KIRREL1: variants seen among roughly 807,000 people sequenced by gnomAD.
KIRREL1 encodes kin of IRRE-like protein 1.
In KIRREL1, 25 loss-of-function variants were observed where a neutral mutation model predicts 83.3. That is an observed-to-expected ratio of 0.30 (90% CI 0.22 to 0.42). The LOEUF is 0.42. Among genes scored for constraint, KIRREL1 ranks in the 10% least tolerant of loss-of-function variants. The probability of loss-of-function intolerance (pLI) is 1.00; values close to 1 mark genes in which losing one functional copy is unlikely to be tolerated. For missense variants in KIRREL1, 812 were observed against 1,032.3 expected (o/e 0.79, Z 2.92); for synonymous variants, 388 against 410.4 (o/e 0.95, Z 0.66).
chr1:158,046,576 A>C (rs1660783757), intron 1 of KIRREL1, among the ~76,000 whole-genome samples: 1 of 152,040 alleles, frequency 6.6e-6, no homozygotes, highest in Admixed American at 6.6e-5. Flanking sequence ...GAGGGAGGGG[A>C]GGGCCAGTCA....
chr1:158,038,783 C>G (rs1660544851), intron 1 of KIRREL1, among the ~76,000 whole-genome samples: 1 of 152,210 alleles, frequency 6.6e-6, no homozygotes, highest in African/African-American at 2.4e-5. Context: ...AAACAGTAGA[C>G]TTGCCCACTA....
At chr1:158,089,336 TAG>T (rs1293087613) in intron 8 of KIRREL1, 164 bp from the exon 9 acceptor site, 2 of 986,754 alleles carry the variant, frequency 2.0e-6, no homozygotes, top group Non-Finnish European at 3.0e-6. Context: ...CCAACCTGTG[TAG>T]AGTCAGAGCA....
intron 1 of KIRREL1, among the ~76,000 whole-genome samples, chr1:158,010,838 G>T (rs1157642197): frequency 6.6e-6 from 1 of 152,070 alleles, no homozygotes; most frequent in African/African-American, 2.4e-5. Flanking sequence ...CCAGAAGAAA[G>T]GAGTAAAGCA....
intron 2 of KIRREL1, among the ~76,000 whole-genome samples, chr1:158,076,937 C>A (rs761072716): frequency 6.6e-6 from 1 of 152,160 alleles, no homozygotes; most frequent in Non-Finnish European, 1.5e-5. Context: ...GTCCTGCCTC[C>A]GCCAGCTGGG....
At chr1:158,017,301 GT>G (rs1659855069) in intron 1 of KIRREL1, among the ~76,000 whole-genome samples, 1 of 151,806 alleles carries the variant, frequency 6.6e-6, no homozygotes, top group South Asian at 2.1e-4. Context: ...GCCCTTCTTA[GT>G]TTTCTCTCCT....
chr1:158,005,968 G>A (rs1420258010), intron 1 of KIRREL1, among the ~76,000 whole-genome samples: 1 of 152,086 alleles, frequency 6.6e-6, no homozygotes, highest in Non-Finnish European at 1.5e-5. Flanking sequence ...CTGTCCACTG[G>A]GGGAAACAGG....
rs1054392402 is a variant in KIRREL1, at chr1:158,094,458, G to A, written c.1797+68G>A. ...CAGTGGGTTTCTGAGGTCCTGTAGC[G>A]GGGAGGTGAGGTGAGGACAGACTTG... On this transcript the variant is annotated intron_variant, in intron 14 of 14. Coordinates refer to ENST00000359209, the MANE Select transcript of KIRREL1 (RefSeq NM_018240.7). The surrounding 1 kb of genome is among the most constrained non-coding windows in gnomAD (Gnocchi z 4.6). 2.8e-5 allele frequency: 41 copies of A among 1,490,456 alleles called. No individual in the cohort carries two copies. The East Asian group carries it at 4.8e-4, about 17-fold the overall frequency. The allele number at this position is 1,490,456 out of a possible 1,614,324, so 92.3% of individuals were successfully genotyped here.
intron 1 of KIRREL1, among the ~76,000 whole-genome samples, chr1:158,075,704 A>G (rs557418539): frequency 6.6e-6 from 1 of 152,270 alleles, no homozygotes; most frequent in African/African-American, 2.4e-5. Context: ...TAGTAGAGGA[A>G]CAGCTAGGAC....
At chr1:158,010,348 CA>C (rs1659640368) in intron 1 of KIRREL1, among the ~76,000 whole-genome samples, 2 of 147,954 alleles carry the variant, frequency 1.4e-5, no homozygotes, top group Non-Finnish European at 3.0e-5. Context: ...CACACACACA[CA>C]CACACACACA....
chr1:158,093,380 G>A lies in KIRREL1; in HGVS notation c.1513G>A (p.Ala505Thr), dbSNP rs139033699. 3.0e-5 allele frequency: 49 copies of A among 1,614,082 alleles called. No homozygotes were observed. The Middle Eastern group carries it at 4.9e-4, about 16-fold the overall frequency. Reference protein sequence around the residue: ...VGIIAGATIGASILLIFFFIA... With the variant: ...VGIIAGATIGTSILLIFFFIA... ...CATCATAGCTGGGGCCACCATCGGC[G>A]CGAGCATCCTGCTCATCTTCTTCTT... is the stretch of plus-strand genomic sequence containing the variant. Residue 505 changes from alanine (A) to threonine (T), a missense_variant, in exon 12 of 15, where the codon GCG (alanine) becomes ACG (threonine). Coordinates refer to ENST00000359209, the MANE Select transcript of KIRREL1 (RefSeq NM_018240.7).
At chr1:158,091,773 G>T (rs1173054719) in intron 11 of KIRREL1, among the ~76,000 whole-genome samples, 1 of 152,210 alleles carries the variant, frequency 6.6e-6, no homozygotes, top group African/African-American at 2.4e-5. Flanking sequence ...CTGTGCATCA[G>T]AGGGAAAGAA....
intron 8 of KIRREL1, 147 bp downstream of exon 8, chr1:158,088,601 C>G (rs1192386613): frequency 1.6e-6 from 1 of 627,470 alleles, no homozygotes; most frequent in African/African-American, 1.9e-5. Flanking sequence ...TCTCCTGCCT[C>G]AGCCTCCCGA....
At chr1:157,997,897 T>A (rs1032120032) in intron 1 of KIRREL1, among the ~76,000 whole-genome samples, 4 of 152,200 alleles carry the variant, frequency 2.6e-5, no homozygotes, top group Admixed American at 2.6e-4. Context: ...TTATTTATTT[T>A]TTTAGATAGG....
At chr1:158,030,586 C>A (rs1660296266) in intron 1 of KIRREL1, 2 of 152,188 alleles carry the variant, frequency 1.3e-5, no homozygotes, top group African/African-American at 4.8e-5. Flanking sequence ...ATTTCTCTGA[C>A]CTTAATTTTC....
At chr1:158,019,670 G>A (rs1270273439) in intron 1 of KIRREL1, among the ~76,000 whole-genome samples, 2 of 152,132 alleles carry the variant, frequency 1.3e-5, no homozygotes, top group Non-Finnish European at 2.9e-5. Flanking sequence ...GCTCTTCCAG[G>A]GAGCACGGGG....
At chr1:158,060,843 C>T (rs953884605) in intron 1 of KIRREL1, among the ~76,000 whole-genome samples, 3 of 152,148 alleles carry the variant, frequency 2.0e-5, no homozygotes, top group Non-Finnish European at 2.9e-5. Context: ...AGCATGACTC[C>T]GGTGCCGTCT....
chr1:158,025,708 T>G (rs1456054440), intron 1 of KIRREL1: 1 of 144,372 alleles, frequency 6.9e-6, no homozygotes, highest in Non-Finnish European at 1.5e-5. Flanking sequence ...GGAGAGGAAA[T>G]GGGAGCAAAG....
Position 157,995,481 on chromosome 1 carries a change from A to ATGG in KIRREL1, c.52+1763_52+1765dup, listed in dbSNP as rs1458776149. ...GTGTCGGGGAGGAAGGGGGTGGGCC[A>ATGG]TGGTGGTGGTGGAGGGGGGTCATGT... On this transcript the variant is annotated intron_variant, in intron 1 of 14. Transcript: ENST00000359209. Among the ~76,000 whole-genome samples the ATGG allele has an allele frequency of 9.7e-5, 14 of 143,844 alleles. No homozygotes were observed. The East Asian group carries it at 3.0e-3, about 30-fold the overall frequency. The allele number at this position is 143,844 out of a possible 152,430, so 94.4% of individuals were successfully genotyped here.
At chr1:158,092,219 GA>G (rs946709156) in intron 11 of KIRREL1, among the ~76,000 whole-genome samples, 3 of 152,110 alleles carry the variant, frequency 2.0e-5, no homozygotes, top group Non-Finnish European at 4.4e-5. Flanking sequence ...GACTTTTTTG[GA>G]AGCTACCAAG....
Sources: allele counts gnomAD v4.1 joint callset (sites outside exome capture counted in the v4.1 genomes callset), GRCh38; gene constraint gnomAD v4.1.1; non-coding constraint Gnocchi (gnomAD v3.1); transcripts MANE v1.5; gene names NCBI Gene and HGNC (gene_info 2026-07-23, HGNC 2026-07-21).